The following KALRN variants were observed in gnomAD, a reference collection of about 807,000 sequenced individuals.
KALRN encodes the protein kalirin RhoGEF kinase.
Under a neutral mutation model 353.7 loss-of-function variants are expected in KALRN, and 70 were observed. That is an observed-to-expected ratio of 0.20 (90% CI 0.16 to 0.24). The LOEUF (loss-of-function observed/expected upper bound fraction) is 0.24, where lower values mean the gene tolerates loss of function less well. Ranked by LOEUF, KALRN falls within the 10% of genes least tolerant of loss-of-function variation. KALRN has a pLI of 1.00. For synonymous variants in KALRN, 1,391 were observed against 1,434.8 expected (o/e 0.97, Z 0.69); for missense variants, 2,791 against 3,756.7 (o/e 0.74, Z 6.72).
chr3:124,161,489 TC>T (rs1159730958), intron 1 of KALRN, among the ~76,000 whole-genome samples: 1 of 152,238 alleles, frequency 6.6e-6, no homozygotes, highest in African/African-American at 2.4e-5. Context: ...AAGGTTGTTC[TC>T]CTGCCTTAGC....
At chr3:124,258,219 C>T (rs1450955118) in intron 3 of KALRN, among the ~76,000 whole-genome samples, 1 of 152,196 alleles carries the variant, frequency 6.6e-6, no homozygotes, top group African/African-American at 2.4e-5. Flanking sequence ...ATGTCTGTGG[C>T]ACTTCCTGCT....
chr3:124,380,089 C>T (rs777991134), intron 10 of KALRN, among the ~76,000 whole-genome samples: 2 of 152,174 alleles, frequency 1.3e-5, no homozygotes, highest in Non-Finnish European at 2.9e-5. Context: ...GCCTCATCCT[C>T]CTCATTCCCA....
chr3:124,606,476 A>G (rs978326243), intron 34 of KALRN, among the ~76,000 whole-genome samples: 11 of 152,224 alleles, frequency 7.2e-5, no homozygotes, highest in African/African-American at 2.7e-4. Context: ...CCTTTCTTAT[A>G]GTCCTGTCTC....
Position 124,632,514 on chromosome 3 carries a change from C to T in KALRN, c.5277C>T (p.Ser1759=), listed in dbSNP as rs1415112954. The T allele has an allele frequency of 1.2e-6, 2 of 1,614,232 alleles. No homozygotes were observed. The highest frequency in any genetic ancestry group is 1.1e-5 in the South Asian group (1 of 91,076). ...AQPSLNSIHS[S]PGPKRSTNTL... ...CCTCCCTGAACTCCATCCACAGTTCCCCGGGTCCCAAGCGCTCCACCAACA... is the reference window on the plus strand; with the variant it reads ...CCTCCCTGAACTCCATCCACAGTTCTCCGGGTCCCAAGCGCTCCACCAACA... The change falls in exon 35 of 60, where the codon TCC becomes TCT. Residue 1759 remains serine, a synonymous_variant. Coordinates refer to ENST00000682506, the MANE Select transcript of KALRN (RefSeq NM_001388419.1).
chr3:124,191,716 T>C (rs2074938969), intron 1 of KALRN, among the ~76,000 whole-genome samples: 1 of 152,202 alleles, frequency 6.6e-6, no homozygotes, highest in African/African-American at 2.4e-5. Flanking sequence ...CCTCACAGCA[T>C]GGTAGTCTCA....
intron 37 of KALRN, among the ~76,000 whole-genome samples, chr3:124,646,449 G>C (rs963267521): frequency 1.4e-5 from 2 of 140,424 alleles, no homozygotes; most frequent in African/African-American, 5.3e-5. Context: ...GGAGTGCAGT[G>C]GCATGATCTC....
At chr3:124,426,144 G>A (rs913267379) in intron 15 of KALRN, among the ~76,000 whole-genome samples, 2 of 152,172 alleles carry the variant, frequency 1.3e-5, no homozygotes, top group African/African-American at 4.8e-5. Flanking sequence ...TGTTTTCCTT[G>A]TCAGTGTAGG....
intron 28 of KALRN, 68 bp downstream of exon 28, chr3:124,482,968 G>T (rs2062142650): frequency 1.8e-6 from 2 of 1,086,862 alleles, no homozygotes; most frequent in Admixed American, 3.4e-5. Flanking sequence ...CCCAGCTTTG[G>T]CCCCTAAGGA....
intron 35 of KALRN, 59 bp from the exon 36 acceptor site, chr3:124,633,793 T>C (rs2081057265): frequency 2.0e-6 from 3 of 1,465,770 alleles, no homozygotes; most frequent in Non-Finnish European, 2.8e-6. Flanking sequence ...TAATGTCAAG[T>C]CCAGAACCAC....
At chr3:124,439,217 C>G (rs575045174) in intron 18 of KALRN, among the ~76,000 whole-genome samples, 180 bp downstream of exon 18, 112 of 151,634 alleles carry the variant, frequency 7.4e-4, no homozygotes, top group Admixed American at 6.0e-3. Flanking sequence ...CACACACACA[C>G]ACACACACAC....
intron 51 of KALRN, among the ~76,000 whole-genome samples, chr3:124,680,044 A>G (rs749649537): frequency 1.5e-4 from 23 of 152,294 alleles, no homozygotes; most frequent in Non-Finnish European, 2.2e-4. Context: ...CCTGGTTGCT[A>G]TGTAGAGCTG....
At chr3:124,409,505 C>A (rs1352903919) in intron 13 of KALRN, among the ~76,000 whole-genome samples, 1 of 152,154 alleles carries the variant, frequency 6.6e-6, no homozygotes, top group Non-Finnish European at 1.5e-5. Context: ...GTGGTCAGGG[C>A]TTAAGCAGAT....
chr3:124,179,239 ATTC>A (rs1438191032), intron 1 of KALRN, among the ~76,000 whole-genome samples: 3 of 152,232 alleles, frequency 2.0e-5, no homozygotes, highest in African/African-American at 4.8e-5. Flanking sequence ...ATATTTTTAT[ATTC>A]TTATTCTGTA....
intron 1 of KALRN, among the ~76,000 whole-genome samples, chr3:124,193,210 A>C (rs1356119940): frequency 6.6e-6 from 1 of 152,146 alleles, no homozygotes. Flanking sequence ...GAGTTTAGCC[A>C]GCGGAAAGCC....
In KALRN at chr3:124,462,511, T is replaced by G; in HGVS notation, c.3922-13T>G. Reference sequence around the variant, plus strand: ...CCAGACTTGCCAGTGATGAAACTGTTACTGTCTTACAGACCTACCTGTGGG... The same window carrying G: ...CCAGACTTGCCAGTGATGAAACTGTGACTGTCTTACAGACCTACCTGTGGG... On this transcript the variant is annotated splice_polypyrimidine_tract_variant and intron_variant, in intron 24 of 59. Transcript: ENST00000682506. 6.7e-7 allele frequency: 1 copy of G among 1,496,134 alleles called. No homozygotes were observed. The highest frequency in any genetic ancestry group is 9.3e-7 in the Non-Finnish European group (1 of 1,074,120). 92.7% of individuals were successfully genotyped at this position (1,496,134 alleles called of 1,614,324 possible). A position where few individuals can be genotyped will look rare whatever the true frequency, so the allele number is the denominator to read the frequency against.
In KALRN at chr3:124,632,624, G is replaced by A. The variant is rs148384593; in HGVS notation, c.5387G>A (p.Arg1796His). 22 of 1,614,032 alleles carry A rather than the reference G, an allele frequency of 1.4e-5. No individual in the cohort carries two copies. Among genetic ancestry groups the A allele is most frequent in the African/African-American group, 6.7e-5 (5 of 74,910 alleles). The change falls in exon 35 of 60, where the codon CGC (arginine) becomes CAC (histidine). Residue 1796 changes from arginine to histidine, a missense_variant. Around this residue, in one of 11 missense-constraint regions of KALRN, gnomAD observed 1,065 missense variants for 1,156.4 expected, o/e 0.92. Transcript: ENST00000682506. ...DGNIKKQKKV[R>H]DGRKSFDLGS... ...AACATCAAAAAGCAGAAGAAAGTTC[G>A]CGATGGTCGGAAGAGCTTTGACCTG... is the stretch of plus-strand genomic sequence containing the variant.
chr3:124,577,579 T>C (rs2074239683), intron 34 of KALRN, among the ~76,000 whole-genome samples: 1 of 152,150 alleles, frequency 6.6e-6, no homozygotes, highest in Non-Finnish European at 1.5e-5. Context: ...ACAGATATTA[T>C]ACACTTTTGA....
At chr3:124,322,300 G>A (rs115682425) in intron 6 of KALRN, among the ~76,000 whole-genome samples, 1,761 of 152,284 alleles carry the variant, frequency 0.012, 33 homozygotes, top group African/African-American at 0.04. Context: ...GAATGTCTGC[G>A]ATCATTAGGT....
intron 23 of KALRN, 32 bp downstream of exon 23, chr3:124,456,760 T>C (rs2059341785): frequency 6.8e-7 from 1 of 1,472,462 alleles, no homozygotes; most frequent in African/African-American, 1.4e-5. Context: ...GCTAGCTGGC[T>C]CCCCGTGACT....
Sources: allele counts gnomAD v4.1 joint callset (sites outside exome capture counted in the v4.1 genomes callset), GRCh38; gene constraint gnomAD v4.1.1; regional missense constraint gnomAD v4.1.1; transcripts MANE v1.5; gene names NCBI Gene and HGNC (gene_info 2026-07-23, HGNC 2026-07-21).